The following KIFAP3 variants were observed in gnomAD, a reference collection of about 807,000 sequenced individuals.
KIFAP3 encodes kinesin associated protein 3.
KIFAP3 carries 68 observed loss-of-function variants against 106.5 expected under a neutral mutation model. The ratio of observed to expected loss-of-function variants is 0.64; its 90% CI spans 0.53 to 0.78. The LOEUF (loss-of-function observed/expected upper bound fraction) is 0.78, where lower values mean the gene tolerates loss of function less well. Ranked by LOEUF, KIFAP3 falls within the 30% of genes least tolerant of loss-of-function variation. The pLI is 0.00. For missense variants in KIFAP3, 780 were observed against 941.8 expected, an observed-to-expected ratio of 0.83 and a Z score of 2.25; for synonymous variants, 320 against 311.5, an observed-to-expected ratio of 1.03 and a Z score of -0.29.
intron 15 of KIFAP3, among the ~76,000 whole-genome samples, chr1:169,979,157 T>C (rs1331009007): frequency 2.0e-5 from 3 of 152,146 alleles, no homozygotes; most frequent in African/African-American, 7.2e-5. Flanking sequence ...GCTCTCTTGA[T>C]TATAATCACT....
At chr1:169,923,040 A>C (rs1662910344) in intron 19 of KIFAP3, 15 of 973,512 alleles carry the variant, frequency 1.5e-5, no homozygotes, top group Non-Finnish European at 1.8e-5. Flanking sequence ...GTAAATGTAA[A>C]GAGCCAAAAT....
At chr1:169,978,333 A>G (rs1314954880) in intron 15 of KIFAP3, 150 bp from the exon 16 acceptor site, 1 of 559,800 alleles carries the variant, frequency 1.8e-6, no homozygotes, top group East Asian at 2.9e-5. Context: ...TTCCTAATGT[A>G]AAATAGTAAC....
intron 3 of KIFAP3, among the ~76,000 whole-genome samples, chr1:170,045,000 T>C (rs1049951145): frequency 6.6e-6 from 1 of 152,254 alleles, no homozygotes; most frequent in Non-Finnish European, 1.5e-5. Flanking sequence ...ACTTCCTTCA[T>C]AAGTATTCTT....
chr1:170,041,593 C>T (rs1198798379), intron 3 of KIFAP3: 28 of 1,072,138 alleles, frequency 2.6e-5, no homozygotes, highest in South Asian at 7.3e-5. Flanking sequence ...TTCAGAGGCC[C>T]GGAGATGAGT....
intron 11 of KIFAP3, 53 bp downstream of exon 11, chr1:169,992,101 TA>T: frequency 1.2e-6 from 1 of 829,878 alleles, no homozygotes; most frequent in Non-Finnish European, 1.7e-6. Context: ...GAGAAAAGAG[TA>T]AAAAATATAT....
At chr1:170,077,946 A>G (rs78225488), upstream of KIFAP3, among the ~76,000 whole-genome samples, 9,619 of 151,974 alleles carry the variant, frequency 0.063, 387 homozygotes, top group Non-Finnish European at 0.095. Context: ...TTATTCATTC[A>G]CCAGTTGAAA....
At chr1:170,001,048 C>T (rs1429910550) in intron 10 of KIFAP3, among the ~76,000 whole-genome samples, 1 of 152,038 alleles carries the variant, frequency 6.6e-6, no homozygotes, top group Non-Finnish European at 1.5e-5. Context: ...TTATATAGAA[C>T]ATTTTTGATA....
chr1:169,966,464 CA>C (rs58208596), intron 17 of KIFAP3, among the ~76,000 whole-genome samples: 3,419 of 129,954 alleles, frequency 0.026, 58 homozygotes, highest in African/African-American at 0.075. Flanking sequence ...CGGAAAATGG[CA>C]AAAAAAAAAA....
At chr1:170,041,514 T>C (rs1167859154) in intron 3 of KIFAP3, among the ~76,000 whole-genome samples, 1 of 152,092 alleles carries the variant, frequency 6.6e-6, no homozygotes, top group Admixed American at 6.5e-5. Flanking sequence ...ATGGTTACAA[T>C]TTAGTGGTGA....
chr1:170,048,623 T>A (rs1355268731), intron 2 of KIFAP3, among the ~76,000 whole-genome samples: 1 of 151,496 alleles, frequency 6.6e-6, no homozygotes, highest in Non-Finnish European at 1.5e-5. Context: ...TTTCTGCACT[T>A]CCAACTGAGG....
chr1:170,079,581 T>G (rs1439734793), upstream of KIFAP3, among the ~76,000 whole-genome samples: 2 of 152,174 alleles, frequency 1.3e-5, no homozygotes, highest in East Asian at 3.8e-4. Context: ...AGCATACTTA[T>G]ATGGGTTTAC....
intron 10 of KIFAP3, among the ~76,000 whole-genome samples, chr1:170,002,428 T>A (rs1667710525): frequency 6.6e-6 from 1 of 152,216 alleles, no homozygotes; most frequent in Non-Finnish European, 1.5e-5. Context: ...TTTGAAATTA[T>A]TCACATAAAA....
upstream of KIFAP3, among the ~76,000 whole-genome samples, chr1:170,078,061 A>G (rs1023458575): frequency 2.0e-5 from 3 of 152,176 alleles, no homozygotes; most frequent in South Asian, 2.1e-4. Flanking sequence ...CTGTTCAGTT[A>G]TCTAAGAATA....
At chr1:169,934,305 C>T (rs1447605798) in intron 19 of KIFAP3, among the ~76,000 whole-genome samples, 2 of 152,084 alleles carry the variant, frequency 1.3e-5, no homozygotes, top group Non-Finnish European at 2.9e-5. Flanking sequence ...CGTAGTGAGA[C>T]TGAACTGTTT....
chr1:169,988,436 T>A (rs1666945673), intron 11 of KIFAP3, among the ~76,000 whole-genome samples: 1 of 152,050 alleles, frequency 6.6e-6, no homozygotes, highest in Admixed American at 6.6e-5. Context: ...TTCAAAGTCA[T>A]GTTATTTGCA....
At chr1:170,015,507 A>T (rs1668457028) in intron 10 of KIFAP3, among the ~76,000 whole-genome samples, 1 of 152,192 alleles carries the variant, frequency 6.6e-6, no homozygotes, top group African/African-American at 2.4e-5. Flanking sequence ...TGCAGTATTG[A>T]ATATATGGAG....
At chr1:169,986,815 AC>A (rs1444101521) in intron 11 of KIFAP3, among the ~76,000 whole-genome samples, 1 of 152,004 alleles carries the variant, frequency 6.6e-6, no homozygotes, top group Non-Finnish European at 1.5e-5. Flanking sequence ...CTTCAAATCA[AC>A]CTTTGTAGTA....
At chr1:169,998,758 TTTTC>T (rs1213054624) in intron 10 of KIFAP3, among the ~76,000 whole-genome samples, 9 of 152,214 alleles carry the variant, frequency 5.9e-5, no homozygotes, top group Admixed American at 2.0e-4. Context: ...AAATCACATA[TTTTC>T]TTTCTCTTCT....
chr1:169,953,458 G>C (rs1226524369), intron 19 of KIFAP3, among the ~76,000 whole-genome samples: 1 of 120,736 alleles, frequency 8.3e-6, no homozygotes, highest in African/African-American at 3.2e-5. Flanking sequence ...AGTATTGTTT[G>C]TGTCAACAGA....
Sources: gnomAD v4.1 joint callset for allele counts (sites outside exome capture counted in the v4.1 genomes callset) on GRCh38, gnomAD v4.1.1 for gene constraint, MANE v1.5 for transcripts, NCBI Gene and HGNC (gene_info 2026-07-23, HGNC 2026-07-21) for gene names.